The following INTS4 variants were observed in gnomAD, a reference collection of about 807,000 sequenced individuals.
INTS4 encodes the protein MSTP093.
In INTS4, 70 loss-of-function variants were observed where a neutral mutation model predicts 119.5. That is an observed-to-expected ratio of 0.59 (90% confidence interval 0.48 to 0.71). The LOEUF (loss-of-function observed/expected upper bound fraction) is 0.71, where lower values mean the gene tolerates loss of function less well. Ranked by LOEUF, INTS4 falls within the 30% of genes least tolerant of loss-of-function variation. INTS4 has a pLI of 0.00. For missense variants in INTS4, 867 were observed against 1,173.2 expected, an observed-to-expected ratio of 0.74 and a Z score of 3.81; for synonymous variants, 316 against 419.6, an observed-to-expected ratio of 0.75 and a Z score of 3.02.
At chr11:77,915,720 G>A (rs1209086816) in intron 15 of INTS4, among the ~76,000 whole-genome samples, 2 of 152,102 alleles carry the variant, frequency 1.3e-5, no homozygotes, top group African/African-American at 4.8e-5. Context: ...ACTGGATTTG[G>A]CTCACTCACT....
intron 11 of INTS4, among the ~76,000 whole-genome samples, chr11:77,925,726 TC>T (rs1308592064): frequency 6.6e-6 from 1 of 152,216 alleles, no homozygotes; most frequent in African/African-American, 2.4e-5. Context: ...CTGTCCCTAA[TC>T]CCCTCTCAGA....
chr11:77,913,052 A>T (rs1439400385), intron 15 of INTS4, among the ~76,000 whole-genome samples: 1 of 152,188 alleles, frequency 6.6e-6, no homozygotes, highest in Non-Finnish European at 1.5e-5. Context: ...TTCTAAGGTG[A>T]TATGGTTCCT....
chr11:77,884,778 AG>A (rs1271714009), intron 21 of INTS4: 1 of 401,322 alleles, frequency 2.5e-6, no homozygotes, highest in Non-Finnish European at 5.1e-6. Flanking sequence ...TCTTTAAAAC[AG>A]GGTCTTACTC....
chr11:77,906,031 TA>T (rs1952942016), intron 16 of INTS4, among the ~76,000 whole-genome samples: 1 of 152,214 alleles, frequency 6.6e-6, no homozygotes, highest in Non-Finnish European at 1.5e-5. Context: ...TAAATATCTT[TA>T]AATTTTTTAA....
chr11:77,887,587 G>T (rs935202395), intron 21 of INTS4, among the ~76,000 whole-genome samples: 6 of 152,168 alleles, frequency 3.9e-5, no homozygotes, highest in Non-Finnish European at 7.3e-5. Flanking sequence ...TTAGGTAGGA[G>T]AAGGAAATAA....
chr11:77,956,950 T>A (rs1192336662), intron 7 of INTS4, among the ~76,000 whole-genome samples: 2 of 152,094 alleles, frequency 1.3e-5, no homozygotes, highest in African/African-American at 4.8e-5. Context: ...ATGCTTTTTT[T>A]TGAGACAGGG....
intron 15 of INTS4, among the ~76,000 whole-genome samples, chr11:77,910,137 T>C (rs901802982): frequency 2.6e-5 from 4 of 152,158 alleles, no homozygotes; most frequent in Non-Finnish European, 4.4e-5. Flanking sequence ...TAAAGACACA[T>C]GCACGCATAT....
At chr11:77,950,107 T>C (rs1954152521) in intron 8 of INTS4, among the ~76,000 whole-genome samples, 1 of 151,448 alleles carries the variant, frequency 6.6e-6, no homozygotes, top group South Asian at 2.1e-4. Context: ...CTCAGCAAAC[T>C]AACACAAGAA....
At chr11:77,920,313 T>G (rs1435397083) in intron 14 of INTS4, among the ~76,000 whole-genome samples, 7 of 147,364 alleles carry the variant, frequency 4.8e-5, no homozygotes, top group Non-Finnish European at 8.9e-5. Context: ...ATATAAATGT[T>G]CCTCTAAATA....
chr11:77,964,827 T>C (rs548050974), intron 4 of INTS4, among the ~76,000 whole-genome samples: 1 of 152,104 alleles, frequency 6.6e-6, no homozygotes, highest in African/African-American at 2.4e-5. Context: ...TTAATAACAG[T>C]TGCTAAAATG....
At chr11:77,929,292 A>G (rs1159091706) in intron 10 of INTS4, among the ~76,000 whole-genome samples, 2 of 151,956 alleles carry the variant, frequency 1.3e-5, no homozygotes, top group Non-Finnish European at 2.9e-5. Context: ...TCATTCTATA[A>G]ACTCTCCCTG....
chr11:77,896,765 A>G (rs548093578), intron 18 of INTS4, among the ~76,000 whole-genome samples: 12 of 152,172 alleles, frequency 7.9e-5, no homozygotes, highest in African/African-American at 2.9e-4. Flanking sequence ...AACATTTAGT[A>G]TAACAGACTA....
At chr11:77,976,819 T>C (rs935748052) in intron 4 of INTS4, among the ~76,000 whole-genome samples, 1 of 151,994 alleles carries the variant, frequency 6.6e-6, no homozygotes, top group Admixed American at 6.6e-5. Context: ...AGCAAACTAT[T>C]GCAAGGACAA....
intron 6 of INTS4, among the ~76,000 whole-genome samples, chr11:77,959,324 C>T (rs936424903): frequency 9.2e-5 from 14 of 152,182 alleles, no homozygotes; most frequent in Non-Finnish European, 4.4e-5. Flanking sequence ...GATCTCCAGG[C>T]CTTTATAACT....
At chr11:77,877,561 C>T (rs1021937853), downstream of INTS4, among the ~76,000 whole-genome samples, 4 of 152,162 alleles carry the variant, frequency 2.6e-5, no homozygotes, top group African/African-American at 9.7e-5. Flanking sequence ...CCATATACTT[C>T]CCCTGAGGTG....
intron 17 of INTS4, among the ~76,000 whole-genome samples, chr11:77,902,055 C>T (rs1338334345): frequency 1.3e-5 from 2 of 152,156 alleles, no homozygotes; most frequent in African/African-American, 4.8e-5. Context: ...AGATCAAGTC[C>T]CCGATCTTGC....
At chr11:77,910,123 G>T (rs1953055463) in intron 15 of INTS4, among the ~76,000 whole-genome samples, 1 of 152,090 alleles carries the variant, frequency 6.6e-6, no homozygotes, top group Admixed American at 6.6e-5. Context: ...AAATCATGCT[G>T]CTATAAAGAC....
At chr11:77,946,266 T>G (rs1254533455) in intron 8 of INTS4, among the ~76,000 whole-genome samples, 1 of 152,162 alleles carries the variant, frequency 6.6e-6, no homozygotes, top group African/African-American at 2.4e-5. Flanking sequence ...CACCACCCAC[T>G]GAGTCCACCC....
chr11:77,944,617 G>A (rs930465480), intron 8 of INTS4, among the ~76,000 whole-genome samples: 4 of 152,164 alleles, frequency 2.6e-5, no homozygotes, highest in African/African-American at 4.8e-5. Flanking sequence ...AACTGTCCTC[G>A]ATGTTTGTCG....
Sources: gnomAD v4.1 joint callset for allele counts (sites outside exome capture counted in the v4.1 genomes callset) on GRCh38, gnomAD v4.1.1 for gene constraint, MANE v1.5 for transcripts, NCBI Gene and HGNC (gene_info 2026-07-23, HGNC 2026-07-21) for gene names.